The following KIF16B variants were observed in gnomAD, a reference collection of about 807,000 sequenced individuals.
The protein encoded by KIF16B is kinesin family member 16B.
In KIF16B, 98 loss-of-function variants were observed where a neutral mutation model predicts 156.3. That is an observed-to-expected ratio of 0.63 (90% CI 0.53 to 0.74). KIF16B has a LOEUF of 0.74. Among genes scored for constraint, KIF16B ranks in the 30% least tolerant of loss-of-function variants. KIF16B has a pLI of 0.00. For missense variants in KIF16B, 1,421 were observed against 1,606.5 expected, an observed-to-expected ratio of 0.88 and a Z score of 1.97; for synonymous variants, 564 against 583.7, an observed-to-expected ratio of 0.97 and a Z score of 0.49.
intron 22 of KIF16B, chr20:16,367,267 T>A (rs1426030644): frequency 1.2e-6 from 2 of 1,612,830 alleles, no homozygotes; most frequent in Non-Finnish European, 1.7e-6. Flanking sequence ...GGTGAACAAC[T>A]GGACATTTGG....
chr20:16,327,122 A>G (rs988840760), intron 24 of KIF16B, among the ~76,000 whole-genome samples: 1 of 151,630 alleles, frequency 6.6e-6, no homozygotes, highest in Non-Finnish European at 1.5e-5. Flanking sequence ...CTACTCAGCC[A>G]TAAAAAGAAA....
intron 10 of KIF16B, among the ~76,000 whole-genome samples, chr20:16,502,649 AATACCTCTGAAGGC>A (rs1238343931): frequency 6.6e-6 from 1 of 152,194 alleles, no homozygotes; most frequent in African/African-American, 2.4e-5. Context: ...ATGGCATAAC[AATACCTCTGAAGGC>A]ATTTTTCAGA....
chr20:16,442,434 T>G (rs1056829369), intron 12 of KIF16B, among the ~76,000 whole-genome samples: 2 of 150,190 alleles, frequency 1.3e-5, no homozygotes, highest in African/African-American at 4.9e-5. Flanking sequence ...TATATATACA[T>G]GATGAATATA....
intron 1 of KIF16B, among the ~76,000 whole-genome samples, chr20:16,553,233 C>T (rs1473380403): frequency 7.2e-5 from 11 of 152,188 alleles, no homozygotes; most frequent in Admixed American, 7.2e-4. Flanking sequence ...TGTCTGTTGG[C>T]TGACTCATCC....
intron 22 of KIF16B, among the ~76,000 whole-genome samples, chr20:16,361,392 A>G (rs147880447): frequency 6.6e-6 from 1 of 152,354 alleles, no homozygotes; most frequent in African/African-American, 2.4e-5. Flanking sequence ...AATGATGTAT[A>G]TGGTAAATAA....
chr20:16,562,535 G>A (rs188823347), intron 1 of KIF16B, among the ~76,000 whole-genome samples: 9 of 152,168 alleles, frequency 5.9e-5, no homozygotes, highest in East Asian at 1.9e-4. Flanking sequence ...AATCCCTCAC[G>A]AGCAACCACA....
intron 25 of KIF16B, among the ~76,000 whole-genome samples, chr20:16,294,455 T>C (rs1279235849): frequency 2.6e-5 from 4 of 152,114 alleles, no homozygotes; most frequent in Non-Finnish European, 1.5e-5. Context: ...CCACTGTGGG[T>C]GACTCAGTCC....
chr20:16,475,732 C>T (rs958320328), intron 12 of KIF16B, among the ~76,000 whole-genome samples: 4 of 152,164 alleles, frequency 2.6e-5, no homozygotes, highest in African/African-American at 9.7e-5. Flanking sequence ...CAAGAAAAGT[C>T]TTTTAAGTGG....
intron 12 of KIF16B, among the ~76,000 whole-genome samples, chr20:16,491,806 C>T (rs1178565929): frequency 2.0e-5 from 3 of 152,220 alleles, no homozygotes; most frequent in Non-Finnish European, 4.4e-5. Flanking sequence ...TTCACTTCCC[C>T]TCCACCTTCA....
intron 15 of KIF16B, among the ~76,000 whole-genome samples, chr20:16,424,581 T>TA (rs1366378444): frequency 6.6e-6 from 1 of 152,140 alleles, no homozygotes; most frequent in Admixed American, 6.5e-5. Flanking sequence ...AAAAGGGGCT[T>TA]AAACATGCCA....
intron 12 of KIF16B, among the ~76,000 whole-genome samples, chr20:16,440,649 A>C (rs2066774363): frequency 6.6e-6 from 1 of 151,186 alleles, no homozygotes; most frequent in South Asian, 2.1e-4. Context: ...TAGGAGAAGA[A>C]GGGTCTGGCT....
intron 12 of KIF16B, among the ~76,000 whole-genome samples, chr20:16,442,415 C>T (rs2066827562): frequency 7.5e-6 from 1 of 133,234 alleles, no homozygotes; most frequent in Admixed American, 7.5e-5. Flanking sequence ...TATATACATA[C>T]ATATTATATA....
At chr20:16,273,443 C>T (rs1568801182) in intron 25 of KIF16B, 32 bp from the exon 26 acceptor site, 1 of 1,608,324 alleles carries the variant, frequency 6.2e-7, no homozygotes, top group Non-Finnish European at 8.5e-7. Flanking sequence ...AGAACATGGT[C>T]AATTGGGAGG....
intron 19 of KIF16B, 66 bp from the exon 20 acceptor site, chr20:16,374,475 G>T: frequency 7.1e-7 from 1 of 1,402,936 alleles, no homozygotes; most frequent in South Asian, 1.8e-5. Flanking sequence ...TACTGTGTGA[G>T]ACATTGCTTT....
At chr20:16,561,631 A>C (rs1231671900) in intron 1 of KIF16B, among the ~76,000 whole-genome samples, 3 of 152,228 alleles carry the variant, frequency 2.0e-5, no homozygotes, top group South Asian at 2.1e-4. Context: ...ATAAAACATT[A>C]CAGTGGAGAA....
intron 21 of KIF16B, among the ~76,000 whole-genome samples, chr20:16,371,427 C>T (rs889917659): frequency 1.3e-5 from 2 of 151,796 alleles, no homozygotes; most frequent in Non-Finnish European, 2.9e-5. Flanking sequence ...CCTGTTTCTA[C>T]TAAAAATACA....
At chr20:16,454,273 GAAAA>G (rs2067157925) in intron 12 of KIF16B, among the ~76,000 whole-genome samples, 1 of 150,966 alleles carries the variant, frequency 6.6e-6, no homozygotes, top group South Asian at 2.1e-4. Context: ...TTTTCCATAA[GAAAA>G]AACAAATATC....
chr20:16,404,566 C>A (rs1463139032), intron 17 of KIF16B, among the ~76,000 whole-genome samples: 1 of 152,114 alleles, frequency 6.6e-6, no homozygotes, highest in Non-Finnish European at 1.5e-5. Context: ...ACAACACTCA[C>A]GAATGCTTAT....
intron 25 of KIF16B, among the ~76,000 whole-genome samples, chr20:16,289,024 G>C (rs371201159): frequency 5.3e-5 from 8 of 151,980 alleles, no homozygotes; most frequent in African/African-American, 1.9e-4. Context: ...ACTCTAAGTC[G>C]AAAGTGCATT....
Sources: gnomAD v4.1 joint callset for allele counts (sites outside exome capture counted in the v4.1 genomes callset) on GRCh38, gnomAD v4.1.1 for gene constraint, MANE v1.5 for transcripts, NCBI Gene and HGNC (gene_info 2026-07-23, HGNC 2026-07-21) for gene names.